The following DFFB variants were observed in gnomAD, a reference collection of about 807,000 sequenced individuals.
DFFB encodes the protein DNA fragmentation factor 40 kDa subunit.
A neutral mutation model predicts 32.7 loss-of-function variants in DFFB; 29 were observed. The observed-to-expected ratio is 0.89, with a 90% CI of 0.66 to 1.21. DFFB has a LOEUF of 1.21. Among genes scored for constraint, DFFB ranks in the 50% most tolerant of loss-of-function variants. The pLI is 0.00. For missense variants in DFFB, 398 were observed against 440.6 expected (o/e 0.90, Z 0.87); for synonymous variants, 170 against 177.1 (o/e 0.96, Z 0.32).
At chr1:3,857,800 G>C (rs1443086903) in intron 1 of DFFB, 83 bp downstream of exon 1, 1 of 1,059,798 alleles carries the variant, frequency 9.4e-7, no homozygotes, top group Non-Finnish European at 1.3e-6. Context: ...CTTCCAAAAC[G>C]GAGGGTGCAG....
At chr1:3,859,484 T>C (rs956225697) in intron 2 of DFFB, among the ~76,000 whole-genome samples, 9 of 152,244 alleles carry the variant, frequency 5.9e-5, no homozygotes, top group African/African-American at 1.9e-4. Flanking sequence ...TGCCTTTACC[T>C]GGGAGGGTCG....
chr1:3,857,615 G>T lies in DFFB; in HGVS notation c.12G>T (p.Lys4Asn), dbSNP rs776912892. 1.9e-6 allele frequency: 3 copies of T among 1,597,958 alleles called. No individual in the cohort carries two copies. In the East Asian group the frequency reaches 6.8e-5, roughly 36 times the overall value. MLQKPKSVKLRALR... is the reference protein window; with the variant it reads MLQNPKSVKLRALR... ...TGAGGACATCTGCAATGCTCCAGAAGCCCAAGAGCGTGAAGCTGCGGGCCC... is the reference window on the plus strand; with the variant it reads ...TGAGGACATCTGCAATGCTCCAGAATCCCAAGAGCGTGAAGCTGCGGGCCC... The change falls in exon 1 of 7, where the codon AAG (lysine) becomes AAT (asparagine). Residue 4 changes from lysine (K) to asparagine (N), a missense_variant. Physicochemically the swap from Lys to Asn is moderately conservative, Grantham distance 94. Transcript: ENST00000378209.
At chr1:3,868,674 ACCACGCCACACCACACCAGG>A (rs1557716271) in intron 4 of DFFB, among the ~76,000 whole-genome samples, 2 of 7,508 alleles carry the variant, frequency 2.7e-4, no homozygotes, top group Non-Finnish European at 2.7e-4. Context: ...ACCACACCAC[ACCACGCCACACCACACCAGG>A]CCACACCACA....
chr1:3,872,560 A>T lies in DFFB; in HGVS notation c.770A>T (p.Asn257Ile). ...RESRILFSTW[N>I]LDHIIEKKRT... The stretch of plus-strand genomic sequence containing the variant: ...AGCAGGATCCTCTTCAGCACCTGGA[A>T]CCTGGATCACATGTAAGCTCACAGA... The change falls in exon 6 of 7, where the codon AAC becomes ATC. Residue 257 changes from asparagine to isoleucine, a missense_variant. Asn to Ile is a moderately radical substitution (Grantham distance 149). Transcript: ENST00000378209. 1 of 1,613,154 alleles carries T rather than the reference A, an allele frequency of 6.2e-7. No individual in the cohort carries two copies. Among genetic ancestry groups the T allele is most frequent in the Non-Finnish European group, 8.5e-7 (1 of 1,179,832 alleles).
At chr1:3,861,153 CAAAAAAA>C (rs56961503) in intron 2 of DFFB, among the ~76,000 whole-genome samples, 2 of 122,958 alleles carry the variant, frequency 1.6e-5, no homozygotes, top group Non-Finnish European at 3.3e-5. Flanking sequence ...GACTCCATCT[CAAAAAAA>C]AAAAAAAAAA....
At chr1:3,878,301 G>A (rs1645267266) in intron 6 of DFFB, among the ~76,000 whole-genome samples, 1 of 152,068 alleles carries the variant, frequency 6.6e-6, no homozygotes. Context: ...ACAGGCACCT[G>A]CCACCATGCC....
rs74527819 is a variant in DFFB at position 3,871,106 on chromosome 1, C to G, written c.681+1331C>G. On this transcript the variant is annotated intron_variant, in intron 5 of 6. Transcript: ENST00000378209. ...CTGGGACATGGGTCCTTGCTTCTCA[C>G]GCGCTGGTCCTGCCCTGGCAAGTCA... 2.6e-5 allele frequency among the ~76,000 whole-genome samples: 4 copies of G among 152,140 alleles called. No individual in the cohort carries two copies. In the East Asian group the frequency reaches 7.8e-4, roughly 30 times the overall value.
chr1:3,864,350 G>A lies in DFFB; in HGVS notation c.242-1462G>A, dbSNP rs12071080. On this transcript the variant is annotated intron_variant, in intron 2 of 6. Transcript: ENST00000378209. The stretch of plus-strand genomic sequence containing the variant: ...CTACTTAAAATAAAGAAAAGAAACT[G>A]CCAAGTTGTGTGCTAGAGTGGCCGT... Among the ~76,000 whole-genome samples, 850 of 152,264 alleles carry A rather than the reference G, an allele frequency of 5.6e-3. 8 individuals are homozygous for A. Among genetic ancestry groups the A allele is most frequent in the African/African-American group, 0.019 (801 of 41,554 alleles).
chr1:3,858,795 C>T lies in DFFB; in HGVS notation c.192C>T (p.Pro64=), dbSNP rs767846243. The change falls in exon 2 of 7, where the codon CCC becomes CCT. Residue 64 remains proline (P), a synonymous_variant. Coordinates refer to ENST00000378209, the MANE Select transcript of DFFB (RefSeq NM_004402.4). ...ELTEDYFPSV[P]DNAELVLLTL... is the part of the protein sequence containing the mutation. Reference sequence around the variant, plus strand: ...CGGAAGATTACTTCCCCAGTGTTCCCGACAACGCCGAGCTGGTGCTGCTCA... The same window carrying T: ...CGGAAGATTACTTCCCCAGTGTTCCTGACAACGCCGAGCTGGTGCTGCTCA... 2 of 1,614,096 alleles carry T rather than the reference C, an allele frequency of 1.2e-6. No homozygotes were observed. Among genetic ancestry groups the T allele is most frequent in the South Asian group, 2.2e-5 (2 of 91,084 alleles).
At chr1:3,871,942 C>T (rs547640233) in intron 5 of DFFB, among the ~76,000 whole-genome samples, 5 of 152,258 alleles carry the variant, frequency 3.3e-5, no homozygotes, top group African/African-American at 1.2e-4. Context: ...CTCAGGAGGA[C>T]TCACACTGGC....
At chr1:3,864,525 T>C (rs996644666) in intron 2 of DFFB, among the ~76,000 whole-genome samples, 2 of 152,080 alleles carry the variant, frequency 1.3e-5, no homozygotes, top group Non-Finnish European at 2.9e-5. Context: ...GCTGACTATC[T>C]GAATATCTTT....
At chr1:3,857,851 T>C in intron 1 of DFFB, 134 bp downstream of exon 1, 2 of 610,186 alleles carry the variant, frequency 3.3e-6, no homozygotes, top group Non-Finnish European at 5.3e-6. Context: ...CCTCAGCCGC[T>C]AGGACCCCGG....
chr1:3,883,838 C>A lies in DFFB; in HGVS notation c.*97C>A. 1.1e-6 allele frequency: 1 copy of A among 942,344 alleles called. No individual in the cohort carries two copies. Among genetic ancestry groups the A allele is most frequent in the Non-Finnish European group, 1.6e-6 (1 of 608,732 alleles). The allele number at this position is 942,344 out of a possible 1,614,324, so 58.4% of individuals were successfully genotyped here. On this transcript the variant is annotated 3_prime_UTR_variant, in exon 7 of 7. Coordinates refer to ENST00000378209, the MANE Select transcript of DFFB (RefSeq NM_004402.4). ...TTTTTTTGTTTTTCGTTTTTTTGGT[C>A]ACTCCAGTAGCTCCTGGAAAAAACC...
chr1:3,866,063 T>A, intron 3 of DFFB, 63 bp downstream of exon 3: 1 of 1,393,916 alleles, frequency 7.2e-7, no homozygotes, highest in Non-Finnish European at 9.6e-7. Context: ...CCAGAAGAAG[T>A]TGGATTCCAA....
At chr1:3,867,852 A>G in intron 3 of DFFB, 122 bp from the exon 4 acceptor site, 3 of 847,330 alleles carry the variant, frequency 3.5e-6, no homozygotes, top group Non-Finnish European at 6.0e-6. Flanking sequence ...GACCCTGTCA[A>G]AAAGATGAAG....
At chr1:3,882,379 T>G (rs1451473440) in intron 6 of DFFB, among the ~76,000 whole-genome samples, 2 of 152,092 alleles carry the variant, frequency 1.3e-5, no homozygotes, top group African/African-American at 4.8e-5. Flanking sequence ...TTTTCTTTTT[T>G]TTTTCAGACA....
At chr1:3,866,418 G>A in intron 3 of DFFB, 1 of 238,008 alleles carries the variant, frequency 4.2e-6, no homozygotes, top group South Asian at 3.9e-5. Context: ...ACCACGCCCT[G>A]CCAATTTTTG....
At chr1:3,876,931 G>A (rs1381364634) in intron 6 of DFFB, among the ~76,000 whole-genome samples, 2 of 152,248 alleles carry the variant, frequency 1.3e-5, no homozygotes, top group African/African-American at 2.4e-5. Flanking sequence ...CTGGGCGGAA[G>A]GTGGCACGAG....
chr1:3,865,589 A>C lies in DFFB; in HGVS notation c.242-223A>C. ...TGCGCTTTCATCTGTCCTCTAAAGC[A>C]CACCCTGCCCCTCCCTCCTCTGTCC... On this transcript the variant is annotated intron_variant, in intron 2 of 6. Transcript: ENST00000378209. The surrounding 1 kb of genome is among the most constrained non-coding windows in gnomAD (Gnocchi z 4.7). 1 of 682,038 alleles carries C rather than the reference A, an allele frequency of 1.5e-6. No individual in the cohort carries two copies. Among genetic ancestry groups the C allele is most frequent in the East Asian group, 2.7e-5 (1 of 36,780 alleles). 42.2% of individuals were successfully genotyped at this position (682,038 alleles called of 1,614,324 possible).
Sources: allele counts gnomAD v4.1 joint callset (sites outside exome capture counted in the v4.1 genomes callset), GRCh38; gene constraint gnomAD v4.1.1; non-coding constraint Gnocchi (gnomAD v3.1); transcripts MANE v1.5; gene names NCBI Gene and HGNC (gene_info 2026-07-23, HGNC 2026-07-21).